The following PER2 variants were observed in gnomAD, a reference collection of about 807,000 sequenced individuals.
The protein encoded by PER2 is period circadian regulator 2, also known as period circadian protein homolog 2.
Under a neutral mutation model 121.0 loss-of-function variants are expected in PER2, and 66 were observed. The observed-to-expected ratio is 0.55, with a 90% CI of 0.45 to 0.67. The LOEUF is 0.67. Ranked by LOEUF, PER2 falls within the 30% of genes least tolerant of loss-of-function variation. PER2 has a pLI of 0.00. For synonymous variants in PER2, 684 were observed against 659.9 expected, an observed-to-expected ratio of 1.04 and a Z score of -0.56; for missense variants, 1,521 against 1,635.0, an observed-to-expected ratio of 0.93 and a Z score of 1.20.
chr2:238,266,181 G>A (rs1045840454), intron 8 of PER2, among the ~76,000 whole-genome samples: 2 of 152,178 alleles, frequency 1.3e-5, no homozygotes, highest in South Asian at 4.1e-4. Flanking sequence ...GGGACTACAG[G>A]CGTGAGCCAC....
At chr2:238,249,508 T>C (rs945778846) in intron 21 of PER2, among the ~76,000 whole-genome samples, 3 of 152,212 alleles carry the variant, frequency 2.0e-5, no homozygotes, top group Non-Finnish European at 2.9e-5. Context: ...GCATGGTTCA[T>C]CTGGGAGATT....
intron 3 of PER2, among the ~76,000 whole-genome samples, chr2:238,276,121 G>A (rs1402596951): frequency 7.1e-6 from 1 of 140,172 alleles, no homozygotes; most frequent in African/African-American, 2.8e-5. Context: ...CGGCTCTAGA[G>A]ATGTTCTGGT....
chr2:238,255,919 A>G lies in PER2; in HGVS notation c.2066-8T>C. On this transcript the variant is annotated splice_polypyrimidine_tract_variant and splice_region_variant and intron_variant, in intron 17 of 22. Transcript: ENST00000254657. ...CAGCATCTTCCACCATCTCTGTAAC[A>G]CAAGAACCCAGGGCTCTGGTCCACA... is the stretch of plus-strand genomic sequence containing the variant. The G allele has an allele frequency of 1.9e-6, 3 of 1,614,158 alleles. No individual in the cohort carries two copies. The highest frequency in any genetic ancestry group is 2.5e-6 in the Non-Finnish European group (3 of 1,180,016).
chr2:238,278,582 G>T (rs1329973495), intron 1 of PER2, among the ~76,000 whole-genome samples: 2 of 152,158 alleles, frequency 1.3e-5, no homozygotes, highest in Non-Finnish European at 2.9e-5. Flanking sequence ...AAAACACATG[G>T]TCCCTCTGAA....
chr2:238,261,333 C>T (rs1321761536), intron 12 of PER2: 2 of 390,630 alleles, frequency 5.1e-6, no homozygotes, highest in African/African-American at 4.0e-5. Context: ...GTGGGGTTGA[C>T]TGCAGTGGGC....
At chr2:238,271,869 C>T (rs532342368) in intron 5 of PER2, among the ~76,000 whole-genome samples, 63 of 152,236 alleles carry the variant, frequency 4.1e-4, no homozygotes, top group Middle Eastern at 6.8e-3. Context: ...CCCGAGATGA[C>T]CCCAATCCGG....
At chr2:238,288,791 A>T (rs1574865870), upstream of PER2, among the ~76,000 whole-genome samples, 1 of 151,550 alleles carries the variant, frequency 6.6e-6, no homozygotes, top group Non-Finnish European at 1.5e-5. Context: ...CGCCGCTGTC[A>T]CATAGTGGAA....
rs1317800118 is a variant in PER2 at position 238,249,144 on chromosome 2, A to T, written c.3536T>A (p.Phe1179Tyr). 6.2e-7 allele frequency: 1 copy of T among 1,613,714 alleles called. No individual in the cohort carries two copies. Among genetic ancestry groups the T allele is most frequent in the African/African-American group, 1.3e-5 (1 of 75,036 alleles). Residue 1179 changes from phenylalanine to tyrosine, a missense_variant, in exon 22 of 23, where the codon TTC becomes TAC. By Grantham distance (22) the Phe-to-Tyr change is conservative. Transcript: ENST00000254657. ...CAGCTCCTGCTTCTGACTCTCCGTG[A>T]ACCTGGGCTGGAGTTTCTGTAGGAG... ...LKLLQKLQPRFTESQKQELRE... is the reference protein window; with the variant it reads ...LKLLQKLQPRYTESQKQELRE...
chr2:238,295,761 A>G, the PER2 span: 1 of 160,958 alleles, frequency 6.2e-6, no homozygotes, highest in Non-Finnish European at 1.4e-5. Flanking sequence ...GAGGAAGGGA[A>G]ATTGGGAGAC....
At chr2:238,257,995 G>T (rs1308912131) in intron 16 of PER2, among the ~76,000 whole-genome samples, 1 of 152,222 alleles carries the variant, frequency 6.6e-6, no homozygotes, top group East Asian at 1.9e-4. Flanking sequence ...GCATGAAGGG[G>T]ACCAGGAGAT....
intron 12 of PER2, 22 bp downstream of exon 12, chr2:238,261,707 G>C (rs1411080796): frequency 1.4e-6 from 2 of 1,470,958 alleles, no homozygotes; most frequent in Non-Finnish European, 1.9e-6. Context: ...CTGGGAGGAG[G>C]ACATGCAGGC....
the PER2 span, among the ~76,000 whole-genome samples, chr2:238,296,867 G>T: frequency 1.5e-4 from 23 of 152,358 alleles, 1 homozygote; most frequent in Middle Eastern, 6.8e-3. Context: ...GGGCTCACGT[G>T]GTTGATGAGA....
At chr2:238,246,883 A>G (rs1163367318) in intron 22 of PER2, among the ~76,000 whole-genome samples, 1 of 152,154 alleles carries the variant, frequency 6.6e-6, no homozygotes, top group Non-Finnish European at 1.5e-5. Context: ...CTCAAAAGAT[A>G]AAAAGTCATT....
At chr2:238,275,696 A>C (rs763519720) in intron 4 of PER2, 47 bp downstream of exon 4, 62 of 1,584,508 alleles carry the variant, frequency 3.9e-5, no homozygotes, top group Non-Finnish European at 5.1e-5. Flanking sequence ...GGGGGGATTT[A>C]AAACATATTT....
chr2:238,261,179 G>A (rs751853564), intron 12 of PER2, among the ~76,000 whole-genome samples: 2 of 152,212 alleles, frequency 1.3e-5, no homozygotes, highest in African/African-American at 4.8e-5. Flanking sequence ...CGAGGAGACG[G>A]CACCAAAGGA....
chr2:238,266,154 T>A (rs189275944), intron 8 of PER2, among the ~76,000 whole-genome samples: 1 of 152,014 alleles, frequency 6.6e-6, no homozygotes, highest in Non-Finnish European at 1.5e-5. Context: ...CCGCCCACCT[T>A]GGCCTCCCAA....
At position 238,253,219 on chromosome 2, in the gene PER2, G is replaced by C. The variant is rs1437695907; in HGVS notation, c.2804C>G (p.Pro935Arg). Reference protein sequence around the residue: ...FPSQPQFPSHPTLTSEMASAS... With the variant: ...FPSQPQFPSHRTLTSEMASAS... ...AGAGGCCATCTCGGATGTGAGTGTG[G>C]GGTGGCTCGGAAACTGAGGCTGGCT... Residue 935 changes from proline (P) to arginine (R), a missense_variant, in exon 19 of 23, where the codon CCC becomes CGC. Physicochemically the swap from Pro to Arg is moderately radical, Grantham distance 103. Transcript: ENST00000254657. This position sits in a 1 kb window ranked among gnomAD's most constrained non-coding sequence, Gnocchi z 5.6. The C allele has an allele frequency of 6.3e-7, 1 of 1,599,048 alleles. No individual in the cohort carries two copies. The highest frequency in any genetic ancestry group is 1.3e-5 in the African/African-American group (1 of 74,870).
chr2:238,274,736 C>T (rs1305975900), intron 4 of PER2, among the ~76,000 whole-genome samples: 2 of 152,302 alleles, frequency 1.3e-5, no homozygotes, highest in Non-Finnish European at 2.9e-5. Flanking sequence ...CCAGGGGCAC[C>T]GGATTTCCAT....
At chr2:238,298,675 T>A in the PER2 span, 11 of 152,302 alleles carry the variant, frequency 7.2e-5, no homozygotes, top group Admixed American at 7.2e-4. Context: ...TGCTGACCGC[T>A]GGTGACCGTT....
Sources: allele counts gnomAD v4.1 joint callset (sites outside exome capture counted in the v4.1 genomes callset), GRCh38; gene constraint gnomAD v4.1.1; non-coding constraint Gnocchi (gnomAD v3.1); transcripts MANE v1.5; gene names NCBI Gene and HGNC (gene_info 2026-07-23, HGNC 2026-07-21).